Variants in PKN2 observed in about 807,000 individuals in gnomAD.
The protein encoded by PKN2 is serine/threonine-protein kinase N2.
Under a neutral mutation model 119.1 loss-of-function variants are expected in PKN2, and 38 were observed. That is an observed-to-expected ratio of 0.32 (90% CI 0.25 to 0.42). The LOEUF (loss-of-function observed/expected upper bound fraction) is 0.42, where lower values mean the gene tolerates loss of function less well. Ranked by LOEUF, PKN2 falls within the 10% of genes least tolerant of loss-of-function variation. The pLI is 1.00. For synonymous variants in PKN2, 390 were observed against 384.9 expected, an observed-to-expected ratio of 1.01 and a Z score of -0.15; for missense variants, 850 against 1,165.1, an observed-to-expected ratio of 0.73 and a Z score of 3.94.
chr1:88,746,672 T>C (rs912124136), intron 2 of PKN2, among the ~76,000 whole-genome samples: 1 of 152,118 alleles, frequency 6.6e-6, no homozygotes, highest in East Asian at 1.9e-4. Context: ...GTAACATTAG[T>C]ATGGCCACTT....
intron 1 of PKN2, among the ~76,000 whole-genome samples, chr1:88,739,038 C>A (rs1339465947): frequency 6.6e-6 from 1 of 152,122 alleles, no homozygotes; most frequent in Admixed American, 6.5e-5. Flanking sequence ...TGTATAGTGA[C>A]AGATCAGAAA....
At position 88,740,969 on chromosome 1, in the gene PKN2, A is replaced by AT; in HGVS notation, c.49-18dup. On this transcript the variant is annotated intron_variant, in intron 1 of 21. Transcript: ENST00000370521. ...AACTCTCCTAAACTCCCACATTTGT[A>AT]TGTTTATTTTTTCTGTAGGGGGATT... 6.6e-7 allele frequency: 1 copy of AT among 1,522,736 alleles called. No homozygotes were observed. Among genetic ancestry groups the AT allele is most frequent in the African/African-American group, 1.4e-5 (1 of 71,712 alleles). The allele number at this position is 1,522,736 out of a possible 1,614,324, so 94.3% of individuals were successfully genotyped here.
At chr1:88,794,299 G>A (rs924673158) in intron 8 of PKN2, among the ~76,000 whole-genome samples, 8 of 151,656 alleles carry the variant, frequency 5.3e-5, no homozygotes, top group African/African-American at 1.2e-4. Context: ...CCCGAGAGGC[G>A]GAGGTTGCGG....
chr1:88,693,218 T>G (rs1312114232), intron 1 of PKN2, among the ~76,000 whole-genome samples: 1 of 152,214 alleles, frequency 6.6e-6, no homozygotes, highest in African/African-American at 2.4e-5. Context: ...TCCGTAAGAT[T>G]ATGTGAGTCA....
In PKN2 at chr1:88,780,097, C is replaced by A. The variant is rs1476429175; in HGVS notation, c.986-4542C>A. Reference sequence around the variant, plus strand: ...CTGTGATTTTGGTTTTTTTAAAGTGCTGTGTGAAATCAGTGTGGAATAGGA... The same window carrying A: ...CTGTGATTTTGGTTTTTTTAAAGTGATGTGTGAAATCAGTGTGGAATAGGA... On this transcript the variant is annotated intron_variant, in intron 6 of 21. Transcript: ENST00000370521. 2.0e-5 allele frequency among the ~76,000 whole-genome samples: 3 copies of A among 152,048 alleles called. 1 individual carries two copies. The East Asian group carries it at 5.8e-4, about 29-fold the overall frequency.
chr1:88,734,240 G>A (rs116134689), intron 1 of PKN2, among the ~76,000 whole-genome samples: 1 of 151,692 alleles, frequency 6.6e-6, no homozygotes, highest in East Asian at 1.9e-4. Flanking sequence ...TGTTGCCCAT[G>A]CTTTTCAGGT....
intron 18 of PKN2, among the ~76,000 whole-genome samples, chr1:88,827,647 T>C (rs984588162): frequency 1.2e-4 from 8 of 67,004 alleles, no homozygotes; most frequent in African/African-American, 3.5e-4. Flanking sequence ...CCCTCCCCTC[T>C]TCTCCCCTCC....
At chr1:88,789,359 G>A (rs556552479) in intron 8 of PKN2, among the ~76,000 whole-genome samples, 2 of 152,182 alleles carry the variant, frequency 1.3e-5, no homozygotes, top group South Asian at 4.1e-4. Context: ...GGTAAGGCAA[G>A]TCACAAGATT....
intron 16 of PKN2, among the ~76,000 whole-genome samples, chr1:88,821,531 C>A (rs907404631): frequency 6.6e-6 from 1 of 152,212 alleles, no homozygotes; most frequent in Non-Finnish European, 1.5e-5. Context: ...TCCTTTACTT[C>A]AGCCACACCA....
At chr1:88,813,066 T>C (rs991143132) in intron 15 of PKN2, among the ~76,000 whole-genome samples, 1 of 152,188 alleles carries the variant, frequency 6.6e-6, no homozygotes, top group Admixed American at 6.5e-5. Flanking sequence ...TCTAGTCTTT[T>C]AAATTAAAAT....
intron 1 of PKN2, among the ~76,000 whole-genome samples, chr1:88,688,261 A>G (rs896645721): frequency 2.6e-5 from 4 of 151,934 alleles, no homozygotes; most frequent in African/African-American, 7.3e-5. Context: ...AATTTTTTGT[A>G]TTTTTAGTAG....
At chr1:88,767,390 T>C (rs1669704416) in intron 3 of PKN2, among the ~76,000 whole-genome samples, 1 of 152,218 alleles carries the variant, frequency 6.6e-6, no homozygotes, top group Non-Finnish European at 1.5e-5. Context: ...ACTTTTACTC[T>C]AGTCTGATCT....
intron 6 of PKN2, among the ~76,000 whole-genome samples, chr1:88,775,599 T>C (rs760020303): frequency 4.6e-5 from 7 of 152,308 alleles, no homozygotes; most frequent in Middle Eastern, 3.4e-3. Context: ...ATTTTCTTAG[T>C]GATTACCCCA....
Position 88,805,627 on chromosome 1 carries a change from G to T in PKN2, c.1632G>T (p.Val544=), listed in dbSNP as rs191397480. 8.7e-6 allele frequency: 14 copies of T among 1,614,036 alleles called. No individual in the cohort carries two copies. Among genetic ancestry groups the T allele is most frequent in the Non-Finnish European group, 1.1e-5 (13 of 1,179,996 alleles). The change falls in exon 11 of 22, where the codon GTG becomes GTT. Residue 544 remains valine, a synonymous_variant. Coordinates refer to ENST00000370521, the MANE Select transcript of PKN2 (RefSeq NM_006256.4). ...FSPQAPVPTT[V]PVVDVRIPQL... Reference sequence around the variant, plus strand: ...CTCAAGCTCCTGTGCCTACTACAGTGCCAGTGGTTGATGTACGCATCCCTC... The same window carrying T: ...CTCAAGCTCCTGTGCCTACTACAGTTCCAGTGGTTGATGTACGCATCCCTC...
intron 1 of PKN2, among the ~76,000 whole-genome samples, chr1:88,740,407 G>A (rs1008188899): frequency 1.3e-5 from 2 of 152,154 alleles, no homozygotes; most frequent in Non-Finnish European, 1.5e-5. Flanking sequence ...AGGGATACAA[G>A]TGCAGTTTAG....
Position 88,834,828 on chromosome 1 carries a change from G to T in PKN2, c.*1380G>T, listed in dbSNP as rs1172244051. The T allele has an allele frequency of 1.3e-5, 2 of 152,086 alleles. No individual in the cohort carries two copies. The highest frequency in any genetic ancestry group is 4.8e-5 in the African/African-American group (2 of 41,344). 9.4% of individuals were successfully genotyped at this position (152,086 alleles called of 1,614,324 possible). ...TTTTTTGTTTGTTTTGGTTTGGTTT[G>T]ATTTTATATTTTTTTCTCCTAATCT... On this transcript the variant is annotated 3_prime_UTR_variant, in exon 22 of 22. Coordinates refer to ENST00000370521, the MANE Select transcript of PKN2 (RefSeq NM_006256.4).
chr1:88,813,621 CT>C lies in PKN2; in HGVS notation c.2172del (p.Phe724LeufsTer13). 1.9e-6 allele frequency: 3 copies of C among 1,608,664 alleles called. No homozygotes were observed. Among genetic ancestry groups the C allele is most frequent in the Admixed American group, 1.7e-5 (1 of 58,888 alleles). On this transcript the variant is annotated frameshift_variant, in exon 16 of 22. Coordinates refer to ENST00000370521, the MANE Select transcript of PKN2 (RefSeq NM_006256.4). LOFTEE classifies it high-confidence loss of function. ...TGTAAGGCATCCCTTTTTGGTGAACCTTTTTGCATGTTTCCAAACCAAAGAG... is the reference window on the plus strand; with the variant it reads ...TGTAAGGCATCCCTTTTTGGTGAACCTTTTGCATGTTTCCAAACCAAAGAG... ...NSVRHPFLVN[L>X]FACFQTKEHV...
chr1:88,753,685 A>G (rs1669090342), intron 2 of PKN2, among the ~76,000 whole-genome samples: 1 of 139,540 alleles, frequency 7.2e-6, no homozygotes, highest in Non-Finnish European at 1.5e-5. Flanking sequence ...AGCGAGAGAG[A>G]GAGTGGGAGG....
chr1:88,707,342 T>A (rs995627913), intron 1 of PKN2, among the ~76,000 whole-genome samples: 8 of 152,144 alleles, frequency 5.3e-5, no homozygotes, highest in Non-Finnish European at 8.8e-5. Context: ...CAAGTTTTTT[T>A]AAATTTAATT....
Sources: gnomAD v4.1 joint callset for allele counts (sites outside exome capture counted in the v4.1 genomes callset) on GRCh38, gnomAD v4.1.1 for gene constraint, MANE v1.5 for transcripts, NCBI Gene and HGNC (gene_info 2026-07-23, HGNC 2026-07-21) for gene names.